KCNMB2: variants seen among roughly 807,000 people sequenced by gnomAD.
KCNMB2 encodes the protein potassium calcium-activated channel subfamily M regulatory beta subunit 2.
Under a neutral mutation model 24.5 loss-of-function variants are expected in KCNMB2, and 9 were observed. That is an observed-to-expected ratio of 0.37 (90% CI 0.22 to 0.64). The LOEUF (loss-of-function observed/expected upper bound fraction) is 0.64. Among genes scored for constraint, KCNMB2 ranks in the 30% least tolerant of loss-of-function variants. KCNMB2 has a pLI of 0.63. For missense variants in KCNMB2, 226 were observed against 284.3 expected (o/e 0.79, Z 1.47); for synonymous variants, 109 against 104.4 (o/e 1.04, Z -0.27).
At chr3:178,621,789 C>T (rs538489617) in intron 1 of KCNMB2, among the ~76,000 whole-genome samples, 71 of 152,240 alleles carry the variant, frequency 4.7e-4, no homozygotes, top group Middle Eastern at 3.4e-3. Flanking sequence ...CCCCTATTTT[C>T]CAGAGAAGGG....
chr3:178,835,076 C>T (rs892512529), intron 4 of KCNMB2, among the ~76,000 whole-genome samples: 7 of 151,304 alleles, frequency 4.6e-5, no homozygotes, highest in Non-Finnish European at 1.0e-4. Flanking sequence ...CCCAAAGCGC[C>T]GAGAAGATTC....
At chr3:178,669,850 A>G (rs1720840742) in intron 1 of KCNMB2, among the ~76,000 whole-genome samples, 1 of 152,052 alleles carries the variant, frequency 6.6e-6, no homozygotes, top group Admixed American at 6.6e-5. Context: ...TAGGTACAGA[A>G]GCAGAGGGAT....
At chr3:178,742,472 C>T (rs1252364179) in intron 1 of KCNMB2, among the ~76,000 whole-genome samples, 1 of 152,156 alleles carries the variant, frequency 6.6e-6, no homozygotes, top group Non-Finnish European at 1.5e-5. Flanking sequence ...CACTATACAA[C>T]TTATAGGAAT....
At chr3:178,672,064 T>A (rs1720918167) in intron 1 of KCNMB2, among the ~76,000 whole-genome samples, 1 of 152,168 alleles carries the variant, frequency 6.6e-6, no homozygotes. Context: ...GTCAGCTTCC[T>A]CCTAACACCC....
chr3:178,823,659 C>T (rs1438358942), intron 2 of KCNMB2, among the ~76,000 whole-genome samples: 1 of 152,156 alleles, frequency 6.6e-6, no homozygotes, highest in African/African-American at 2.4e-5. Context: ...TAGCAACCAG[C>T]CCAGAAGGGA....
At chr3:178,820,565 A>G (rs1714584122) in intron 2 of KCNMB2, 1 of 152,970 alleles carries the variant, frequency 6.5e-6, no homozygotes, top group Admixed American at 6.5e-5. Context: ...AGGAGGAAAA[A>G]CTTTCTTTCA....
chr3:178,683,006 A>T (rs1464322183), intron 1 of KCNMB2, among the ~76,000 whole-genome samples: 1 of 152,126 alleles, frequency 6.6e-6, no homozygotes, highest in Non-Finnish European at 1.5e-5. Flanking sequence ...TATTCAAAAG[A>T]AAATAAATCT....
intron 1 of KCNMB2, among the ~76,000 whole-genome samples, chr3:178,790,966 T>C (rs1410798665): frequency 6.6e-6 from 1 of 152,178 alleles, no homozygotes; most frequent in Non-Finnish European, 1.5e-5. Context: ...AACACTTCAT[T>C]CCTCTTGAAT....
intron 1 of KCNMB2, among the ~76,000 whole-genome samples, chr3:178,804,101 A>G (rs1431695649): frequency 6.6e-6 from 1 of 152,194 alleles, no homozygotes; most frequent in Non-Finnish European, 1.5e-5. Flanking sequence ...CCACTATACA[A>G]CGCAGATCTC....
chr3:178,837,723 G>C (rs576475201), intron 4 of KCNMB2, among the ~76,000 whole-genome samples: 1 of 151,800 alleles, frequency 6.6e-6, no homozygotes, highest in East Asian at 1.9e-4. Context: ...CATCCATCCA[G>C]CCCACATGCA....
chr3:178,565,607 G>C (rs1194606504), intron 1 of KCNMB2, among the ~76,000 whole-genome samples: 1 of 152,210 alleles, frequency 6.6e-6, no homozygotes, highest in Non-Finnish European at 1.5e-5. Flanking sequence ...TTTTCTAAGA[G>C]TGTCGTTCTT....
intron 1 of KCNMB2, among the ~76,000 whole-genome samples, chr3:178,619,225 T>G (rs1448100828): frequency 6.6e-6 from 1 of 152,158 alleles, no homozygotes; most frequent in African/African-American, 2.4e-5. Context: ...ATACTATCTT[T>G]CCTTAGCTGC....
intron 1 of KCNMB2, among the ~76,000 whole-genome samples, chr3:178,754,845 C>G (rs1451107317): frequency 6.6e-6 from 1 of 152,156 alleles, no homozygotes; most frequent in East Asian, 1.9e-4. Flanking sequence ...TGCAGCTTTA[C>G]AGACAGCTTG....
intron 1 of KCNMB2, among the ~76,000 whole-genome samples, chr3:178,793,127 C>A (rs1197317617): frequency 6.6e-6 from 1 of 152,244 alleles, no homozygotes; most frequent in Non-Finnish European, 1.5e-5. Context: ...TGCTCTCAGA[C>A]ATACTTCCAT....
rs565489372 is a variant in KCNMB2 at position 178,622,181 on chromosome 3, T to G, written c.-68+85470T>G. 3.9e-5 allele frequency among the ~76,000 whole-genome samples: 6 copies of G among 152,346 alleles called. No individual in the cohort carries two copies. The South Asian group carries it at 1.0e-3, about 26-fold the overall frequency. On this transcript the variant is annotated intron_variant, in intron 1 of 4. Coordinates refer to ENST00000452583, the MANE Select transcript of KCNMB2 (RefSeq NM_181361.3). ...AAGTTGTTTAAAACATGCCTTCTCA[T>G]GTATTCTGTGAGGGCAGAATCTATC...
intron 1 of KCNMB2, among the ~76,000 whole-genome samples, chr3:178,597,310 A>C (rs1179171349): frequency 6.6e-6 from 1 of 152,150 alleles, no homozygotes; most frequent in East Asian, 1.9e-4. Context: ...AAAGATACAC[A>C]ATGTACAGCT....
At chr3:178,749,942 T>A (rs891411896) in intron 1 of KCNMB2, among the ~76,000 whole-genome samples, 3 of 152,224 alleles carry the variant, frequency 2.0e-5, no homozygotes, top group Admixed American at 6.5e-5. Context: ...AGAGTAACTA[T>A]GTAAGATTGA....
intron 1 of KCNMB2, among the ~76,000 whole-genome samples, chr3:178,776,341 A>G (rs1364679053): frequency 6.6e-6 from 1 of 152,050 alleles, no homozygotes; most frequent in Non-Finnish European, 1.5e-5. Context: ...CTGACCCTAT[A>G]TCTTCTAAAT....
chr3:178,737,865 A>G (rs1041401257), intron 1 of KCNMB2, among the ~76,000 whole-genome samples: 1 of 152,192 alleles, frequency 6.6e-6, no homozygotes, highest in Non-Finnish European at 1.5e-5. Context: ...ACTTTTTCCA[A>G]CGTAACCCAA....
Sources: allele counts gnomAD v4.1 joint callset (sites outside exome capture counted in the v4.1 genomes callset), GRCh38; gene constraint gnomAD v4.1.1; transcripts MANE v1.5; gene names NCBI Gene and HGNC (gene_info 2026-07-23, HGNC 2026-07-21).